STX4: variants seen among roughly 807,000 people sequenced by gnomAD.
The protein encoded by STX4 is syntaxin 4.
Under a neutral mutation model 41.8 loss-of-function variants are expected in STX4, and 24 were observed. The ratio of observed to expected loss-of-function variants is 0.57; its 90% confidence interval spans 0.42 to 0.81. STX4 has a LOEUF of 0.81. Among genes scored for constraint, STX4 ranks in the 30% least tolerant of loss-of-function variants. The pLI is 0.00. For missense variants in STX4, 316 were observed against 389.9 expected (o/e 0.81, Z 1.60); for synonymous variants, 158 against 156.4 (o/e 1.01, Z -0.08).
rs1164358830 is a variant in STX4 at position 31,037,949 on chromosome 16, C to T, written c.402C>T (p.Phe134=). 13 of 1,613,976 alleles carry T rather than the reference C, an allele frequency of 8.1e-6. No homozygotes were observed. Among genetic ancestry groups the T allele is most frequent in the African/African-American group, 5.3e-5 (4 of 74,918 alleles). Residue 134 remains phenylalanine, a synonymous_variant, in exon 6 of 11, where the codon TTC becomes TTT. Coordinates refer to ENST00000313843, the MANE Select transcript of STX4 (RefSeq NM_004604.5). ...KTQHGVLSQQ[F]VELINKCNSM... is the part of the protein sequence containing the mutation. The stretch of plus-strand genomic sequence containing the variant: ...AGCATGGGGTCCTGTCCCAGCAATT[C>T]GTGGAGCTCATCAACAAGTGCAATT...
chr16:31,033,122 G>T (rs1452911405), upstream of STX4: 1 of 537,644 alleles, frequency 1.9e-6, no homozygotes, highest in Admixed American at 2.3e-5. This position sits in a 1 kb window ranked among gnomAD's most constrained non-coding sequence, Gnocchi z 5.5. Context: ...GCCTCTGGGG[G>T]TGGTCGGCGC....
chr16:31,036,576 C>A (rs1313937263), intron 5 of STX4, among the ~76,000 whole-genome samples: 1 of 152,084 alleles, frequency 6.6e-6, no homozygotes, highest in Non-Finnish European at 1.5e-5. Flanking sequence ...ACCAGTGATC[C>A]CTGTCCTCAT....
rs1255278955 is a variant in STX4, at chr16:31,033,800, G to A, written c.-6G>A. The A allele has an allele frequency of 4.8e-6, 7 of 1,452,960 alleles. No individual in the cohort carries two copies. The Admixed American group carries it at 1.4e-4, about 30-fold the overall frequency. 90.0% of individuals were successfully genotyped at this position (1,452,960 alleles called of 1,614,324 possible). On this transcript the variant is annotated 5_prime_UTR_variant, in exon 1 of 11. Coordinates refer to ENST00000313843, the MANE Select transcript of STX4 (RefSeq NM_004604.5). This position sits in a 1 kb window ranked among gnomAD's most constrained non-coding sequence, Gnocchi z 5.5. ...CTGGCGCCGGGGAGGGAGAGCTCAG[G>A]CCGCCATGCGGGACAGGACCCACGA...
intron 5 of STX4, 103 bp from the exon 6 acceptor site, chr16:31,037,823 C>A: frequency 8.7e-7 from 1 of 1,146,318 alleles, no homozygotes; most frequent in Non-Finnish European, 1.3e-6. Flanking sequence ...GCAGATCCCG[C>A]ATAAGAGCTC....
intron 7 of STX4, 67 bp downstream of exon 7, chr16:31,038,257 G>C (rs891528195): frequency 2.5e-6 from 4 of 1,585,942 alleles, no homozygotes; most frequent in Admixed American, 1.7e-5. Context: ...TCCGTTTCTC[G>C]ACCTCCTGGG....
chr16:31,033,263 T>G, upstream of STX4: 5 of 686,150 alleles, frequency 7.3e-6, no homozygotes, highest in East Asian at 2.8e-5. This position sits in a 1 kb window ranked among gnomAD's most constrained non-coding sequence, Gnocchi z 5.5. Flanking sequence ...CAGGGTCACA[T>G]TCTGCGGTCC....
chr16:31,034,124 T>G lies in STX4; in HGVS notation c.132+10T>G. ...GGAGTTCTTCCACAAGGTAAGGGGC[T>G]GGGGTCTCCGCCTGGATTCGCGAGG... On this transcript the variant is annotated intron_variant, in intron 2 of 10. Transcript: ENST00000313843. The G allele has an allele frequency of 1.2e-6, 2 of 1,608,756 alleles. No homozygotes were observed. The highest frequency in any genetic ancestry group is 1.7e-6 in the Non-Finnish European group (2 of 1,176,588).
intron 4 of STX4, 21 bp downstream of exon 4, chr16:31,034,557 A>G (rs762700998): frequency 6.4e-6 from 10 of 1,556,032 alleles, no homozygotes; most frequent in Admixed American, 3.9e-5. Flanking sequence ...GGGACCTCAG[A>G]CAGATCCTTC....
At position 31,039,365 on chromosome 16, in the gene STX4, A is replaced by G; in HGVS notation, c.703-176A>G. On this transcript the variant is annotated intron_variant, in intron 8 of 10. Transcript: ENST00000313843. The surrounding 1 kb of genome is among the most constrained non-coding windows in gnomAD (Gnocchi z 4.1). The stretch of plus-strand genomic sequence containing the variant: ...AAGTGAGCAGGGGACAAGGGACTAC[A>G]TGATAGAAGGGGCCTGGAAGCCATC... 1 of 608,410 alleles carries G rather than the reference A, an allele frequency of 1.6e-6. No homozygotes were observed. Among genetic ancestry groups the G allele is most frequent in the Non-Finnish European group, 2.9e-6 (1 of 345,568 alleles). 37.7% of individuals were successfully genotyped at this position (608,410 alleles called of 1,614,324 possible).
chr16:31,033,235 C>T (rs1596733087), upstream of STX4: 1 of 660,060 alleles, frequency 1.5e-6, no homozygotes, highest in Non-Finnish European at 2.8e-6. This position sits in a 1 kb window ranked among gnomAD's most constrained non-coding sequence, Gnocchi z 5.5. Context: ...GTGACAGAGC[C>T]GGGACACGTG....
rs1259583499 is a variant in STX4, at chr16:31,038,579, C to A, written c.634C>A (p.Gln212Lys). 4 of 1,614,030 alleles carry A rather than the reference C, an allele frequency of 2.5e-6. No individual in the cohort carries two copies. Among genetic ancestry groups the A allele is most frequent in the Non-Finnish European group, 3.4e-6 (4 of 1,180,040 alleles). ...CTCGGCCCGGCACAGTGAGATCCAGCAGCTTGAACGCAGTATTCGTGAGCT... is the reference window on the plus strand; with the variant it reads ...CTCGGCCCGGCACAGTGAGATCCAGAAGCTTGAACGCAGTATTCGTGAGCT... ...EISARHSEIQ[Q>K]LERSIRELHD... The change falls in exon 8 of 11, where the codon CAG becomes AAG. Residue 212 changes from glutamine to lysine, a missense_variant. Coordinates refer to ENST00000313843, the MANE Select transcript of STX4 (RefSeq NM_004604.5).
intron 5 of STX4, among the ~76,000 whole-genome samples, chr16:31,037,054 A>G (rs866066399): frequency 9.9e-6 from 1 of 101,128 alleles, no homozygotes; most frequent in Non-Finnish European, 2.1e-5. Flanking sequence ...ATATAGTGAG[A>G]CCCCCCCCCC....
intron 4 of STX4, chr16:31,034,742 C>T (rs1567388588): frequency 2.9e-6 from 2 of 689,868 alleles, no homozygotes; most frequent in Non-Finnish European, 4.7e-6. Flanking sequence ...ACAATGAAAC[C>T]ATTTACTTAC....
Position 31,033,899 on chromosome 16 carries a change from T to C in STX4, c.30+64T>C. The C allele has an allele frequency of 6.9e-7, 1 of 1,453,688 alleles. No individual in the cohort carries two copies. Among genetic ancestry groups the C allele is most frequent in the Non-Finnish European group, 9.1e-7 (1 of 1,099,896 alleles). The allele number at this position is 1,453,688 out of a possible 1,614,324, so 90.0% of individuals were successfully genotyped here. A position where few individuals can be genotyped will look rare whatever the true frequency, so the allele number is the denominator to read the frequency against. On this transcript the variant is annotated intron_variant, in intron 1 of 10. Transcript: ENST00000313843. The surrounding 1 kb of genome is among the most constrained non-coding windows in gnomAD (Gnocchi z 5.5). ...GAACTGGAACGCAGGACTTCTGGTC[T>C]TCGGGATAGGGAGGGGTGGCTGATG... is the stretch of plus-strand genomic sequence containing the variant.
chr16:31,038,309 C>G, intron 7 of STX4, 119 bp downstream of exon 7: 1 of 1,407,450 alleles, frequency 7.1e-7, no homozygotes, highest in East Asian at 2.4e-5. Context: ...GTAGCTGGGA[C>G]TATAGGTGCA....
At chr16:31,035,696 C>T (rs975967031) in intron 5 of STX4, 1 of 152,166 alleles carries the variant, frequency 6.6e-6, no homozygotes, top group Non-Finnish European at 1.5e-5. Context: ...CTTAGTCCCA[C>T]AGGTGGAATT....
chr16:31,034,917 C>T (rs1426277207), intron 4 of STX4, 53 bp from the exon 5 acceptor site: 1 of 1,416,728 alleles, frequency 7.1e-7, no homozygotes, highest in Non-Finnish European at 9.5e-7. Context: ...ATTATATTTC[C>T]CTAAAAATCC....
At position 31,038,362 on chromosome 16, in the gene STX4, C is replaced by T. The variant is rs1002438998; in HGVS notation, c.565-148C>T. 4.6e-6 allele frequency: 6 copies of T among 1,313,594 alleles called. No homozygotes were observed. In the African/African-American group the frequency reaches 5.9e-5, roughly 13 times the overall value. The allele number at this position is 1,313,594 out of a possible 1,614,324, so 81.4% of individuals were successfully genotyped here. On this transcript the variant is annotated intron_variant, in intron 7 of 10. Coordinates refer to ENST00000313843, the MANE Select transcript of STX4 (RefSeq NM_004604.5). ...TGCTGTGGCCCTTTCTGATTAAGGGCACCCTGAGGCCTCTAAGGGAATTAA... is the reference window on the plus strand; with the variant it reads ...TGCTGTGGCCCTTTCTGATTAAGGGTACCCTGAGGCCTCTAAGGGAATTAA...
chr16:31,036,424 C>T (rs555258674), intron 5 of STX4, among the ~76,000 whole-genome samples: 3 of 152,240 alleles, frequency 2.0e-5, no homozygotes, highest in East Asian at 3.9e-4. Context: ...GCACCTGTTT[C>T]GCCCAGGCAA....
Sources: gnomAD v4.1 joint callset for allele counts (sites outside exome capture counted in the v4.1 genomes callset) on GRCh38, gnomAD v4.1.1 for gene constraint, Gnocchi (gnomAD v3.1) non-coding constraint, MANE v1.5 for transcripts, NCBI Gene and HGNC (gene_info 2026-07-23, HGNC 2026-07-21) for gene names.